The following SAP130 variants were observed in gnomAD, a reference collection of about 807,000 sequenced individuals.
SAP130 encodes Sin3A associated protein 130, also known as histone deacetylase complex subunit SAP130.
A neutral mutation model predicts 103.2 loss-of-function variants in SAP130; 16 were observed. That is an observed-to-expected ratio of 0.16 (90% CI 0.10 to 0.24). The LOEUF is 0.24. Among genes scored for constraint, SAP130 ranks in the 10% least tolerant of loss-of-function variants. The pLI is 1.00. For synonymous variants in SAP130, 477 were observed against 497.0 expected (o/e 0.96, Z 0.53); for missense variants, 990 against 1,359.7 (o/e 0.73, Z 4.28).
At chr2:128,015,614 A>T (rs1684715255) in intron 4 of SAP130, among the ~76,000 whole-genome samples, 2 of 152,192 alleles carry the variant, frequency 1.3e-5, no homozygotes, top group South Asian at 4.1e-4. Context: ...AAATTTCACA[A>T]AAAAACCTTA....
intron 13 of SAP130, among the ~76,000 whole-genome samples, chr2:127,987,720 T>C (rs1184672046): frequency 2.6e-5 from 4 of 152,184 alleles, no homozygotes; most frequent in Non-Finnish European, 5.9e-5. Context: ...CCTGATAGCA[T>C]GCTCCAATGT....
In SAP130 at chr2:127,986,867, T is replaced by G. The variant is rs1269034142; in HGVS notation, c.1876A>C (p.Ser626Arg). The change falls in exon 14 of 21, where the codon AGC becomes CGC. Residue 626 changes from serine (S) to arginine (R), a missense_variant. Coordinates refer to ENST00000643581, the MANE Select transcript of SAP130 (RefSeq NM_001330301.2). The surrounding 1 kb of genome is among the most constrained non-coding windows in gnomAD (Gnocchi z 4.7). ...PAATTVVQTH[S>R]QSASTNAPAQ... ...GGAGCGTTGGTGCTAGCACTCTGGCTGTGGGTCTGCACCACGGTTGTTGCT... is the reference window on the plus strand; with the variant it reads ...GGAGCGTTGGTGCTAGCACTCTGGCGGTGGGTCTGCACCACGGTTGTTGCT... The G allele has an allele frequency of 6.2e-7, 1 of 1,614,154 alleles. No individual in the cohort carries two copies. Among genetic ancestry groups the G allele is most frequent in the Non-Finnish European group, 8.5e-7 (1 of 1,180,056 alleles).
chr2:127,942,517 G>A lies in SAP130; in HGVS notation c.2922C>T (p.Val974=). Residue 974 remains valine (V), a synonymous_variant, in exon 20 of 21, where the codon GTC becomes GTT. Coordinates refer to ENST00000643581, the MANE Select transcript of SAP130 (RefSeq NM_001330301.2). The surrounding 1 kb of genome is among the most constrained non-coding windows in gnomAD (Gnocchi z 4.8). The part of the protein sequence containing the change: ...LLQLTNLEHD[V]YERLTNLQEG... ...CCTGCAGGTTAGTAAGTCTTTCATA[G>A]ACATCATGTTCTAGATTCGTCTGCA... 6.2e-7 allele frequency: 1 copy of A among 1,610,318 alleles called. No homozygotes were observed.
intron 6 of SAP130, among the ~76,000 whole-genome samples, chr2:128,011,998 G>C (rs1684429355): frequency 6.6e-6 from 1 of 152,096 alleles, no homozygotes; most frequent in African/African-American, 2.4e-5. Context: ...CATTTTAGTA[G>C]AGACAGGGTT....
intron 7 of SAP130, 152 bp from the exon 8 acceptor site, chr2:128,000,606 G>A (rs749862068): frequency 2.5e-6 from 2 of 806,544 alleles, no homozygotes; most frequent in South Asian, 1.9e-5. Context: ...GGCAAAAGGT[G>A]CACTGAGTTT....
chr2:128,022,778 C>T (rs1000129196), intron 2 of SAP130, among the ~76,000 whole-genome samples: 4 of 151,612 alleles, frequency 2.6e-5, no homozygotes, highest in African/African-American at 7.3e-5. Flanking sequence ...AATATTTTCC[C>T]GTCTTAAAAA....
chr2:127,994,073 A>G (rs1480550767), intron 11 of SAP130, among the ~76,000 whole-genome samples: 1 of 152,234 alleles, frequency 6.6e-6, no homozygotes, highest in Non-Finnish European at 1.5e-5. Flanking sequence ...TAAATACATC[A>G]TGATCAAATA....
At chr2:128,011,572 C>A (rs536106170) in intron 6 of SAP130, among the ~76,000 whole-genome samples, 9 of 152,298 alleles carry the variant, frequency 5.9e-5, no homozygotes, top group African/African-American at 2.2e-4. Flanking sequence ...TCTTGGTTCT[C>A]GTCTTCCTCC....
chr2:127,992,118 C>T (rs984081515), intron 12 of SAP130, among the ~76,000 whole-genome samples: 4 of 151,858 alleles, frequency 2.6e-5, no homozygotes, highest in East Asian at 3.9e-4. Flanking sequence ...ACTAGAGGCA[C>T]GCACCACCAT....
At chr2:128,017,538 C>T in intron 3 of SAP130, 142 bp downstream of exon 3, 1 of 704,394 alleles carries the variant, frequency 1.4e-6, no homozygotes, top group South Asian at 1.9e-5. Flanking sequence ...GGCTGAGTTA[C>T]AGAAAGGAGC....
intron 7 of SAP130, among the ~76,000 whole-genome samples, chr2:128,005,759 G>A (rs995686714): frequency 4.6e-5 from 7 of 151,078 alleles, no homozygotes; most frequent in South Asian, 2.1e-4. Flanking sequence ...CGATTCTCCC[G>A]CCTCAGCTTC....
intron 13 of SAP130, among the ~76,000 whole-genome samples, chr2:127,988,747 G>A (rs966402065): frequency 9.9e-5 from 15 of 152,076 alleles, no homozygotes; most frequent in African/African-American, 2.7e-4. Flanking sequence ...TTACTCAGGC[G>A]GCTGAGGTGG....
rs1265592291 is a variant in SAP130 at position 127,999,852 on chromosome 2, T to C, written c.1109-7A>G. The C allele has an allele frequency of 3.4e-5, 52 of 1,525,476 alleles. No individual in the cohort carries two copies. Among genetic ancestry groups the C allele is most frequent in the Admixed American group, 4.4e-5 (2 of 45,412 alleles). The allele number at this position is 1,525,476 out of a possible 1,614,324, so 94.5% of individuals were successfully genotyped here. On this transcript the variant is annotated splice_polypyrimidine_tract_variant and splice_region_variant and intron_variant, in intron 9 of 20. Coordinates refer to ENST00000643581, the MANE Select transcript of SAP130 (RefSeq NM_001330301.2). ...TGCGTGTGTGACACAGATCCTGAAATAGGGGAAAAAAGGAAATTCTTTAAC... is the reference window on the plus strand; with the variant it reads ...TGCGTGTGTGACACAGATCCTGAAACAGGGGAAAAAAGGAAATTCTTTAAC...
chr2:127,981,596 C>T (rs1451732241), intron 14 of SAP130, among the ~76,000 whole-genome samples: 1 of 59,904 alleles, frequency 1.7e-5, no homozygotes, highest in Non-Finnish European at 3.3e-5. Context: ...AGTCCTCCTG[C>T]ACCCCCGACT....
chr2:127,950,375 G>A lies in SAP130; in HGVS notation c.2456C>T (p.Pro819Leu). 1 of 1,614,218 alleles carries A rather than the reference G, an allele frequency of 6.2e-7. No homozygotes were observed. Among genetic ancestry groups the A allele is most frequent in the South Asian group, 1.1e-5 (1 of 91,084 alleles). Residue 819 changes from proline (P) to leucine (L), a missense_variant, in exon 17 of 21, where the codon CCA (proline) becomes CTA (leucine). Physicochemically the swap from Pro to Leu is moderately conservative, Grantham distance 98. Coordinates refer to ENST00000643581, the MANE Select transcript of SAP130 (RefSeq NM_001330301.2). ...VPPLATNTVS[P>L]SLALLANNLS... Reference sequence around the variant, plus strand: ...GTTGTTTGCCAGCAATGCAAGAGATGGAGACACAGTGTTGGTAGCCAGTGG... The same window carrying A: ...GTTGTTTGCCAGCAATGCAAGAGATAGAGACACAGTGTTGGTAGCCAGTGG...
intron 2 of SAP130, among the ~76,000 whole-genome samples, chr2:128,018,481 T>TA: frequency 1.9e-5 from 1 of 52,504 alleles, no homozygotes; most frequent in East Asian, 5.0e-4. Flanking sequence ...GAAGATTGTC[T>TA]CCAAAAAAAA....
chr2:128,009,237 C>T (rs534209566), intron 7 of SAP130, among the ~76,000 whole-genome samples: 23 of 151,938 alleles, frequency 1.5e-4, no homozygotes, highest in South Asian at 4.2e-4. Context: ...GCACTTAGGG[C>T]GATGCGAGGA....
intron 6 of SAP130, among the ~76,000 whole-genome samples, chr2:128,011,858 G>C (rs947045549): frequency 3.9e-5 from 6 of 152,148 alleles, no homozygotes; most frequent in Admixed American, 6.5e-5. Context: ...TCTCGTCCCA[G>C]CTAGAGTGCA....
In SAP130 at chr2:127,989,811, C is replaced by T. The variant is rs151230382; in HGVS notation, c.1533G>A (p.Ala511=). 176 of 1,614,076 alleles carry T rather than the reference C, an allele frequency of 1.1e-4. No homozygotes were observed. The highest frequency in any genetic ancestry group is 2.2e-4 in the East Asian group (10 of 44,892). ...GCATGGGGTTTAGGTGGACGGTAGA[C>T]GCTACCCCAACACCAGTCTGAGCTG... is the stretch of plus-strand genomic sequence containing the variant. ...AITAQTGVGV[A]STVHLNPMQL... Residue 511 remains alanine (A), a synonymous_variant, in exon 13 of 21, where the codon GCG becomes GCA. Transcript: ENST00000643581. The surrounding 1 kb of genome is among the most constrained non-coding windows in gnomAD (Gnocchi z 4.6).
Sources: allele counts gnomAD v4.1 joint callset (sites outside exome capture counted in the v4.1 genomes callset), GRCh38; gene constraint gnomAD v4.1.1; non-coding constraint Gnocchi (gnomAD v3.1); transcripts MANE v1.5; gene names NCBI Gene and HGNC (gene_info 2026-07-23, HGNC 2026-07-21).